Variants in SDK1 observed in about 807,000 individuals in gnomAD.
SDK1 encodes the protein sidekick cell adhesion molecule 1, also known as protein sidekick-1.
In SDK1, 157 loss-of-function variants were observed where a neutral mutation model predicts 245.5. That is an observed-to-expected ratio of 0.64 (90% CI 0.56 to 0.73). SDK1 has a LOEUF of 0.73. SDK1 is among the 30% of genes least tolerant of loss of function. SDK1 has a pLI of 0.00. For synonymous variants in SDK1, 1,647 were observed against 1,278.5 expected (o/e 1.29, Z -6.15); for missense variants, 3,583 against 3,002.3 (o/e 1.19, Z -4.52).
At chr7:3,790,489 G>A (rs1352202640) in intron 4 of SDK1, among the ~76,000 whole-genome samples, 1 of 152,048 alleles carries the variant, frequency 6.6e-6, no homozygotes, top group Non-Finnish European at 1.5e-5. Flanking sequence ...CCACACAGAG[G>A]CAAATACCAG....
rs953993832 is a variant in SDK1 at position 4,017,224 on chromosome 7, C to T, written c.2474C>T (p.Pro825Leu). 1.6e-5 allele frequency: 26 copies of T among 1,613,906 alleles called. No individual in the cohort carries two copies. The highest frequency in any genetic ancestry group is 8.9e-5 in the East Asian group (4 of 44,890). ...GEYQQRNITS[P>L]EVNYCLVTDL... ...TACCAGCAGCGGAACATCACCAGCC[C>T]GGAGGTGAACTACTGCCTGGTGACA... Residue 825 changes from proline to leucine, a missense_variant, in exon 17 of 45, where the codon CCG becomes CTG. Pro to Leu is a moderately conservative substitution (Grantham distance 98). Transcript: ENST00000404826.
Position 4,114,232 on chromosome 7 carries a change from G to A in SDK1, c.3781G>A (p.Gly1261Arg). 1 of 1,612,710 alleles carries A rather than the reference G, an allele frequency of 6.2e-7. No homozygotes were observed. Among genetic ancestry groups the A allele is most frequent in the Non-Finnish European group, 8.5e-7 (1 of 1,179,702 alleles). Residue 1261 changes from glycine to arginine, a missense_variant, in exon 25 of 45, where the codon GGG becomes AGG. Transcript: ENST00000404826. ...QMQAFNAVGAGPWSEVVRGRT... is the reference protein window; with the variant it reads ...QMQAFNAVGARPWSEVVRGRT... ...GCAGGCCTTCAACGCCGTCGGGGCTGGGCCGTGGAGCGAGGTGGTGCGGGG... is the reference window on the plus strand; with the variant it reads ...GCAGGCCTTCAACGCCGTCGGGGCTAGGCCGTGGAGCGAGGTGGTGCGGGG...
chr7:4,221,317 C>A lies in SDK1; in HGVS notation c.5780C>A (p.Ser1927Tyr). The change falls in exon 40 of 45, where the codon TCT becomes TAT. Residue 1927 changes from serine to tyrosine, a missense_variant. Transcript: ENST00000404826. ...ACGCTGCAGTGGACTGAGGGACACT[C>A]TGGCGACACACCTACCACGGGCTAT... The part of the protein sequence containing the change: ...ELTLQWTEGH[S>Y]GDTPTTGYVI... 1 of 1,613,436 alleles carries A rather than the reference C, an allele frequency of 6.2e-7. No homozygotes were observed. Among genetic ancestry groups the A allele is most frequent in the South Asian group, 1.1e-5 (1 of 90,942 alleles).
intron 4 of SDK1, among the ~76,000 whole-genome samples, chr7:3,714,669 C>G (rs906410731): frequency 6.6e-6 from 1 of 152,190 alleles, no homozygotes; most frequent in Non-Finnish European, 1.5e-5. Flanking sequence ...AGGTACAGAA[C>G]TGCTGTGTAA....
intron 1 of SDK1, among the ~76,000 whole-genome samples, chr7:3,401,245 G>T (rs1356161764): frequency 6.6e-6 from 1 of 152,110 alleles, no homozygotes; most frequent in African/African-American, 2.4e-5. Flanking sequence ...CAAGATTTGG[G>T]GGAATACACA....
At chr7:3,936,643 G>C (rs75344414) in intron 5 of SDK1, among the ~76,000 whole-genome samples, 7 of 152,174 alleles carry the variant, frequency 4.6e-5, no homozygotes, top group African/African-American at 1.7e-4. Flanking sequence ...CAGCTTGAGC[G>C]TCCTTAACGC....
At chr7:3,821,626 A>G (rs1779648491) in intron 5 of SDK1, 43 bp downstream of exon 5, 7 of 1,602,146 alleles carry the variant, frequency 4.4e-6, no homozygotes, top group African/African-American at 1.3e-5. Flanking sequence ...AAGCAATAAA[A>G]TCTTGCTTTA....
At position 4,267,352 on chromosome 7, in the gene SDK1, T is replaced by G; in HGVS notation, c.*1968T>G. The G allele has an allele frequency of 1.0e-6, 1 of 973,940 alleles. No individual in the cohort carries two copies. The highest frequency in any genetic ancestry group is 1.2e-6 in the Non-Finnish European group (1 of 822,690). 60.3% of individuals were successfully genotyped at this position (973,940 alleles called of 1,614,324 possible). ...TCTCCCCTATTCCTTCTTCCTTTTC[T>G]CCTCCTTTTTCTGAGTGGAGGGGGA... On this transcript the variant is annotated 3_prime_UTR_variant, in exon 45 of 45. Transcript: ENST00000404826.
chr7:4,242,641 G>T (rs1337505812), intron 43 of SDK1, among the ~76,000 whole-genome samples: 1 of 152,150 alleles, frequency 6.6e-6, no homozygotes, highest in Non-Finnish European at 1.5e-5. Flanking sequence ...ACAGCTCCGG[G>T]CTTTCCCAGG....
At chr7:3,742,523 T>C (rs1779505421) in intron 4 of SDK1, among the ~76,000 whole-genome samples, 1 of 152,178 alleles carries the variant, frequency 6.6e-6, no homozygotes, top group Admixed American at 6.5e-5. Flanking sequence ...TCCCGACATT[T>C]GCATATTTGC....
rs116070299 is a variant in SDK1 at position 3,459,476 on chromosome 7, T to G, written c.298+157592T>G. Among the ~76,000 whole-genome samples the G allele has an allele frequency of 5.4e-3, 822 of 152,302 alleles. 6 individuals are homozygous for G. Among genetic ancestry groups the G allele is most frequent in the African/African-American group, 0.019 (783 of 41,562 alleles). ...TGAAGAACCCAGTTTCTGCCTGCCT[T>G]TCTGCTTCTCCTTCCTTAATGTGTT... On this transcript the variant is annotated intron_variant, in intron 1 of 44. Coordinates refer to ENST00000404826, the MANE Select transcript of SDK1 (RefSeq NM_152744.4).
At chr7:3,907,307 C>T (rs1439114559) in intron 5 of SDK1, among the ~76,000 whole-genome samples, 1 of 152,196 alleles carries the variant, frequency 6.6e-6, no homozygotes, top group Non-Finnish European at 1.5e-5. Context: ...CCTTTCGCCA[C>T]TGGTAGCTGC....
rs142098230 is a variant in SDK1, at chr7:3,501,676, A to G, written c.299-117404A>G. Among the ~76,000 whole-genome samples, 722 of 152,286 alleles carry G rather than the reference A, an allele frequency of 4.7e-3. 9 individuals are homozygous for G. Among genetic ancestry groups the G allele is most frequent in the African/African-American group, 0.016 (678 of 41,558 alleles). ...TACTTTTCCAGTTGATTATAAATTGATTTGTTCATTAATTTGTTCTAGTTA... is the reference window on the plus strand; with the variant it reads ...TACTTTTCCAGTTGATTATAAATTGGTTTGTTCATTAATTTGTTCTAGTTA... On this transcript the variant is annotated intron_variant, in intron 1 of 44. Coordinates refer to ENST00000404826, the MANE Select transcript of SDK1 (RefSeq NM_152744.4).
intron 1 of SDK1, among the ~76,000 whole-genome samples, chr7:3,346,900 G>T (rs1780523268): frequency 7.4e-6 from 1 of 134,588 alleles, no homozygotes; most frequent in Admixed American, 7.9e-5. Flanking sequence ...CGAACTCCTG[G>T]GCTCAAGTGA....
chr7:3,964,324 G>A (rs1257754733), intron 9 of SDK1, among the ~76,000 whole-genome samples: 1 of 152,150 alleles, frequency 6.6e-6, no homozygotes, highest in African/African-American at 2.4e-5. Flanking sequence ...CTCTTCTCAG[G>A]GTAGCGTTGC....
chr7:3,450,765 T>A (rs1780490215), intron 1 of SDK1, among the ~76,000 whole-genome samples: 1 of 152,018 alleles, frequency 6.6e-6, no homozygotes, highest in South Asian at 2.1e-4. Flanking sequence ...GGTATTTTAG[T>A]CATGGGAGTA....
At chr7:4,257,109 T>C (rs2128242395) in intron 44 of SDK1, among the ~76,000 whole-genome samples, 1 of 152,352 alleles carries the variant, frequency 6.6e-6, no homozygotes, top group Middle Eastern at 3.4e-3. Context: ...AAAGATTGTT[T>C]TCGAAATCCA....
intron 1 of SDK1, among the ~76,000 whole-genome samples, chr7:3,424,077 A>G (rs997613018): frequency 6.6e-6 from 1 of 151,960 alleles, no homozygotes; most frequent in Non-Finnish European, 1.5e-5. Context: ...ATGCCTAGCT[A>G]ATTTTTGTAT....
chr7:3,843,606 A>T (rs993110111), intron 5 of SDK1, among the ~76,000 whole-genome samples: 1 of 152,158 alleles, frequency 6.6e-6, no homozygotes, highest in African/African-American at 2.4e-5. Context: ...TTTCTTTTAG[A>T]TCTAAAACAA....
Sources: allele counts gnomAD v4.1 joint callset (sites outside exome capture counted in the v4.1 genomes callset), GRCh38; gene constraint gnomAD v4.1.1; transcripts MANE v1.5; gene names NCBI Gene and HGNC (gene_info 2026-07-23, HGNC 2026-07-21).